The following GAS2 variants were observed in gnomAD, a reference collection of about 807,000 sequenced individuals.
GAS2 encodes growth arrest-specific protein 2.
A neutral mutation model predicts 37.5 loss-of-function variants in GAS2; 20 were observed. That is an observed-to-expected ratio of 0.53 (90% CI 0.37 to 0.77). GAS2 has a LOEUF of 0.77. Ranked by LOEUF, GAS2 falls within the 30% of genes least tolerant of loss-of-function variation. The probability of loss-of-function intolerance (pLI) is 0.00; values close to 1 mark genes in which losing one functional copy is unlikely to be tolerated. For synonymous variants in GAS2, 144 were observed against 132.2 expected (o/e 1.09, Z -0.61); for missense variants, 336 against 373.4 (o/e 0.90, Z 0.82).
upstream of GAS2, among the ~76,000 whole-genome samples, chr11:22,666,240 C>T (rs910481362): frequency 6.6e-6 from 1 of 152,336 alleles, no homozygotes; most frequent in East Asian, 1.9e-4. Context: ...TGAGTACAGC[C>T]TCTTCTAAAA....
At chr11:22,807,876 T>A (rs1053722960) in intron 7 of GAS2, among the ~76,000 whole-genome samples, 2 of 152,142 alleles carry the variant, frequency 1.3e-5, no homozygotes, top group South Asian at 4.1e-4. Context: ...GGGGTCTGGC[T>A]CCCATGGTGC....
At chr11:22,675,305 T>C (rs1401190813) in intron 2 of GAS2, among the ~76,000 whole-genome samples, 1 of 152,206 alleles carries the variant, frequency 6.6e-6, no homozygotes, top group Non-Finnish European at 1.5e-5. Flanking sequence ...TTGGCTTTTC[T>C]TTCATGCAGC....
intron 3 of GAS2, among the ~76,000 whole-genome samples, chr11:22,687,243 ATTGAGCCCAGGAGG>A (rs926372772): frequency 6.6e-6 from 1 of 152,060 alleles, no homozygotes; most frequent in Non-Finnish European, 1.5e-5. Flanking sequence ...GGCAGGTTCA[ATTGAGCCCAGGAGG>A]TTGAGGTTGC....
chr11:22,771,059 G>A (rs1854952348), intron 7 of GAS2, among the ~76,000 whole-genome samples: 2 of 151,976 alleles, frequency 1.3e-5, no homozygotes, highest in African/African-American at 4.8e-5. Context: ...TCAGTTGAGG[G>A]AAGTTGGGCA....
intron 3 of GAS2, among the ~76,000 whole-genome samples, chr11:22,706,751 T>G (rs1851143091): frequency 6.6e-6 from 1 of 152,140 alleles, no homozygotes; most frequent in African/African-American, 2.4e-5. Flanking sequence ...ACATTTGGGT[T>G]GGTTCCAAGT....
At chr11:22,701,370 G>A (rs184613887) in intron 3 of GAS2, among the ~76,000 whole-genome samples, 1 of 152,230 alleles carries the variant, frequency 6.6e-6, no homozygotes, top group Admixed American at 6.5e-5. Context: ...GTTATTGGCT[G>A]TGGGTGTTAA....
At chr11:22,733,477 C>T (rs1383189663) in intron 4 of GAS2, among the ~76,000 whole-genome samples, 1 of 151,690 alleles carries the variant, frequency 6.6e-6, no homozygotes, top group Non-Finnish European at 1.5e-5. Flanking sequence ...CATAATTTTT[C>T]ATGCTTTCAT....
At chr11:22,627,606 TAAAC>T (rs1203378405) in intron 1 of GAS2, among the ~76,000 whole-genome samples, 3 of 152,006 alleles carry the variant, frequency 2.0e-5, no homozygotes, top group Admixed American at 2.0e-4. Flanking sequence ...CTGTCTCTAC[TAAAC>T]AAACAAACAA....
At position 22,675,077 on chromosome 11, in the gene GAS2, G is replaced by A. The variant is rs376417776; in HGVS notation, c.145+63G>A. ...CAGTTTTTGTTTTATTTTTCCTCCTGTAGTGTCCTTCACCTAAGCATGTGA... is the reference window on the plus strand; with the variant it reads ...CAGTTTTTGTTTTATTTTTCCTCCTATAGTGTCCTTCACCTAAGCATGTGA... On this transcript the variant is annotated intron_variant, in intron 2 of 7. Transcript: ENST00000454584. 8 of 1,530,422 alleles carry A rather than the reference G, an allele frequency of 5.2e-6. No homozygotes were observed. The African/African-American group carries it at 1.1e-4, about 21-fold the overall frequency. The allele number at this position is 1,530,422 out of a possible 1,614,324, so 94.8% of individuals were successfully genotyped here. A position where few individuals can be genotyped will look rare whatever the true frequency, so the allele number is the denominator to read the frequency against.
At chr11:22,671,416 A>C (rs1874979) in intron 1 of GAS2, among the ~76,000 whole-genome samples, 6 of 152,070 alleles carry the variant, frequency 3.9e-5, no homozygotes, top group South Asian at 4.1e-4. Flanking sequence ...TTTAATAGTT[A>C]CTAAAGTTAC....
At chr11:22,754,991 G>C (rs1233791699) in intron 6 of GAS2, among the ~76,000 whole-genome samples, 1 of 152,104 alleles carries the variant, frequency 6.6e-6, no homozygotes, top group East Asian at 1.9e-4. Flanking sequence ...TGGGTTGTTT[G>C]GTTGGTTGGT....
At chr11:22,663,750 T>C (rs1192541521), upstream of GAS2, among the ~76,000 whole-genome samples, 1 of 152,200 alleles carries the variant, frequency 6.6e-6, no homozygotes, top group Non-Finnish European at 1.5e-5. Context: ...AGTAATAGCA[T>C]TTATCGTTTA....
intron 7 of GAS2, among the ~76,000 whole-genome samples, chr11:22,775,786 C>G (rs1283970699): frequency 6.6e-6 from 1 of 152,134 alleles, no homozygotes; most frequent in African/African-American, 2.4e-5. Flanking sequence ...ACCCTAAGCT[C>G]TTATTCTCCA....
rs143104747 is a variant in GAS2 at position 22,733,763 on chromosome 11, G to A, written c.410-3942G>A. ...TTTTCCCAGAGGTGTTTTACATTAT[G>A]CTTTTCTTGAAATGCTTTTGATTAT... is the stretch of plus-strand genomic sequence containing the variant. On this transcript the variant is annotated intron_variant, in intron 4 of 7. Coordinates refer to ENST00000454584, the MANE Select transcript of GAS2 (RefSeq NM_001143830.3). Among the ~76,000 whole-genome samples, 847 of 151,666 alleles carry A rather than the reference G, an allele frequency of 5.6e-3. 12 individuals are homozygous for A. Among genetic ancestry groups the A allele is most frequent in the African/African-American group, 0.018 (765 of 41,460 alleles).
At chr11:22,673,134 C>T (rs1301204856) in intron 1 of GAS2, among the ~76,000 whole-genome samples, 1 of 151,882 alleles carries the variant, frequency 6.6e-6, no homozygotes, top group Non-Finnish European at 1.5e-5. Context: ...ATTTATGATA[C>T]CTTTTAGGTA....
At chr11:22,707,356 A>G (rs1396425677) in intron 3 of GAS2, among the ~76,000 whole-genome samples, 7 of 152,206 alleles carry the variant, frequency 4.6e-5, no homozygotes, top group Non-Finnish European at 1.0e-4. Flanking sequence ...AAGGAAACAT[A>G]AACAAATGAG....
intron 7 of GAS2, among the ~76,000 whole-genome samples, chr11:22,804,045 A>C (rs1856781836): frequency 6.6e-6 from 1 of 152,168 alleles, no homozygotes; most frequent in Non-Finnish European, 1.5e-5. Flanking sequence ...ACAGAAAGGA[A>C]GGATTCACTT....
chr11:22,644,032 G>C (rs1028475304), intron 1 of GAS2, among the ~76,000 whole-genome samples: 2 of 151,918 alleles, frequency 1.3e-5, no homozygotes, highest in African/African-American at 4.8e-5. Context: ...ATATAAAAAA[G>C]CTAAGAAAAT....
intron 3 of GAS2, among the ~76,000 whole-genome samples, chr11:22,720,971 A>G (rs1485478910): frequency 1.3e-5 from 2 of 152,044 alleles, no homozygotes; most frequent in Non-Finnish European, 2.9e-5. Flanking sequence ...GAAATATATT[A>G]CCTTCAAGGC....
Sources: allele counts gnomAD v4.1 joint callset (sites outside exome capture counted in the v4.1 genomes callset), GRCh38; gene constraint gnomAD v4.1.1; transcripts MANE v1.5; gene names NCBI Gene and HGNC (gene_info 2026-07-23, HGNC 2026-07-21).